Variants in PCNX4 observed in about 807,000 individuals in gnomAD.
PCNX4 encodes pecanex-like protein 4.
PCNX4 carries 103 observed loss-of-function variants against 107.2 expected under a neutral mutation model. That is an observed-to-expected ratio of 0.96 (90% CI 0.82 to 1.13). The LOEUF (loss-of-function observed/expected upper bound fraction) is 1.13, where lower values mean the gene tolerates loss of function less well. PCNX4 is among the 50% of genes most tolerant of loss of function. The pLI, the probability that PCNX4 is intolerant of heterozygous loss-of-function variation, is 0.00. For missense variants in PCNX4, 1,528 were observed against 1,379.4 expected, an observed-to-expected ratio of 1.11 and a Z score of -1.71; for synonymous variants, 541 against 481.7, an observed-to-expected ratio of 1.12 and a Z score of -1.61.
intron 7 of PCNX4, among the ~76,000 whole-genome samples, chr14:60,119,884 G>C (rs1380367278): frequency 1.3e-5 from 2 of 152,138 alleles, no homozygotes; most frequent in Non-Finnish European, 2.9e-5. Context: ...TGGGGAACAA[G>C]AACTTTCAGA....
Position 60,115,749 on chromosome 14 carries a change from C to T in PCNX4, c.1388C>T (p.Ser463Leu). 1.2e-6 allele frequency: 2 copies of T among 1,613,246 alleles called. No individual in the cohort carries two copies. The highest frequency in any genetic ancestry group is 1.1e-5 in the South Asian group (1 of 91,008). ...CCTTTTGCCATGATAGCATTTCTTT[C>T]ATTGGACAGTTCCTTACAAGGGCTC... Reference protein sequence around the residue: ...VSPFAMIAFLSLDSSLQGLHS... With the variant: ...VSPFAMIAFLLLDSSLQGLHS... Residue 463 changes from serine (S) to leucine (L), a missense_variant, in exon 5 of 11, where the codon TCA (serine) becomes TTA (leucine). By Grantham distance (145) the Ser-to-Leu change is moderately radical. Coordinates refer to ENST00000406854, the MANE Select transcript of PCNX4 (RefSeq NM_001330177.2).
Position 60,114,798 on chromosome 14 carries a change from C to A in PCNX4, c.788C>A (p.Pro263Gln). The part of the protein sequence containing the change: ...PFLWALGTLP[P>Q]PDALLLWAME... ...CTGTGGGCACTTGGGACTCTGCCCCCACCCGATGCACTTCTCTTATGGGCA... is the reference window on the plus strand; with the variant it reads ...CTGTGGGCACTTGGGACTCTGCCCCAACCCGATGCACTTCTCTTATGGGCA... Residue 263 changes from proline (P) to glutamine (Q), a missense_variant, in exon 3 of 11, where the codon CCA becomes CAA. By Grantham distance (76) the Pro-to-Gln change is moderately conservative (BLOSUM62 -1). Coordinates refer to ENST00000406854, the MANE Select transcript of PCNX4 (RefSeq NM_001330177.2). 6.2e-7 allele frequency: 1 copy of A among 1,613,870 alleles called. No individual in the cohort carries two copies. The highest frequency in any genetic ancestry group is 8.5e-7 in the Non-Finnish European group (1 of 1,179,860).
At chr14:60,118,114 ACT>A (rs1895884441) in intron 6 of PCNX4, among the ~76,000 whole-genome samples, 1 of 135,302 alleles carries the variant, frequency 7.4e-6, no homozygotes, top group Non-Finnish European at 1.5e-5. Context: ...CTTTAGTGTT[ACT>A]GTTTTTTTTT....
At chr14:60,102,327 ACT>A (rs900587875) in intron 1 of PCNX4, among the ~76,000 whole-genome samples, 3 of 62,038 alleles carry the variant, frequency 4.8e-5, no homozygotes, top group Non-Finnish European at 1.2e-4. Flanking sequence ...ATTTAAAAAA[ACT>A]TCAATCACTA....
intron 8 of PCNX4, among the ~76,000 whole-genome samples, chr14:60,122,115 C>T (rs1895966605): frequency 6.6e-6 from 1 of 152,112 alleles, no homozygotes; most frequent in African/African-American, 2.4e-5. Context: ...CTATGGGCTC[C>T]ACCTGTAAAC....
In PCNX4 at chr14:60,145,754, T is replaced by A. The variant is rs1896389445; in HGVS notation, c.*11533T>A. ...GGAATAAAACAAGGCAACCTGATAA[T>A]CCCCAAGATGTGATGTTTCTTTTCA... On this transcript the variant is annotated 3_prime_UTR_variant, in exon 11 of 11. Coordinates refer to ENST00000406854, the MANE Select transcript of PCNX4 (RefSeq NM_001330177.2). This position sits in a 1 kb window ranked among gnomAD's most constrained non-coding sequence, Gnocchi z 4.0. 1 of 152,090 alleles carries A rather than the reference T, an allele frequency of 6.6e-6. No homozygotes were observed. The highest frequency in any genetic ancestry group is 2.4e-5 in the African/African-American group (1 of 41,424). The allele number at this position is 152,090 out of a possible 1,614,324, so 9.4% of individuals were successfully genotyped here. A position where few individuals can be genotyped will look rare whatever the true frequency, so the allele number is the denominator to read the frequency against.
intron 8 of PCNX4, among the ~76,000 whole-genome samples, chr14:60,122,910 G>A (rs1010941829): frequency 2.0e-5 from 3 of 152,134 alleles, no homozygotes; most frequent in African/African-American, 7.2e-5. Flanking sequence ...TTCTCAAAAT[G>A]CAGTGCCCTG....
chr14:60,104,899 T>G (rs987562223), intron 1 of PCNX4, among the ~76,000 whole-genome samples: 1 of 152,172 alleles, frequency 6.6e-6, no homozygotes, highest in Non-Finnish European at 1.5e-5. Flanking sequence ...TAACATATTA[T>G]TAGTAGAAGT....
chr14:60,133,615 T>G (rs533102422), intron 10 of PCNX4: 1 of 470,548 alleles, frequency 2.1e-6, no homozygotes, highest in East Asian at 6.3e-5. Flanking sequence ...ACAAAGCTGT[T>G]TCTTTAAAAA....
chr14:60,115,481 T>A lies in PCNX4; in HGVS notation c.1357+20T>A. On this transcript the variant is annotated intron_variant, in intron 4 of 10. Coordinates refer to ENST00000406854, the MANE Select transcript of PCNX4 (RefSeq NM_001330177.2). ...CTTTAGGTAGGAAGATAAAGTCTAT[T>A]AACCTTGTGTTACAAATCATATCCT... 6.6e-7 allele frequency: 1 copy of A among 1,510,516 alleles called. No homozygotes were observed. The highest frequency in any genetic ancestry group is 8.8e-7 in the Non-Finnish European group (1 of 1,138,608). 93.6% of individuals were successfully genotyped at this position (1,510,516 alleles called of 1,614,324 possible).
At chr14:60,111,768 G>A (rs1399664370) in intron 2 of PCNX4, among the ~76,000 whole-genome samples, 1 of 152,082 alleles carries the variant, frequency 6.6e-6, no homozygotes, top group African/African-American at 2.4e-5. Flanking sequence ...TAGTTTTAAT[G>A]TTTAAGATTT....
intron 2 of PCNX4, among the ~76,000 whole-genome samples, chr14:60,113,863 G>GT (rs1341762521): frequency 1.3e-5 from 2 of 152,126 alleles, no homozygotes; most frequent in African/African-American, 4.8e-5. Flanking sequence ...TATTGATAAT[G>GT]TTTGTACTCT....
chr14:60,129,958 C>T (rs1351899666), intron 10 of PCNX4, among the ~76,000 whole-genome samples: 2 of 151,980 alleles, frequency 1.3e-5, no homozygotes, highest in Non-Finnish European at 2.9e-5. Flanking sequence ...AGATATGAGA[C>T]AAAGAAAACA....
In PCNX4 at chr14:60,124,910, C is replaced by T. The variant is rs374486742; in HGVS notation, c.2739C>T (p.Pro913=). 66 of 1,613,612 alleles carry T rather than the reference C, an allele frequency of 4.1e-5. No individual in the cohort carries two copies. The highest frequency in any genetic ancestry group is 5.2e-5 in the Non-Finnish European group (61 of 1,179,736). Residue 913 remains proline, a synonymous_variant, in exon 9 of 11, where the codon CCC becomes CCT. Coordinates refer to ENST00000406854, the MANE Select transcript of PCNX4 (RefSeq NM_001330177.2). The part of the protein sequence containing the change: ...SCSHSHLVCL[P]AEWRTSCMPS... The stretch of plus-strand genomic sequence containing the variant: ...CACATTCTCACTTAGTATGCTTACC[C>T]GCAGAGTGGAGGACTAGCTGTATGC...
chr14:60,119,563 A>G (rs1469662083), intron 7 of PCNX4, among the ~76,000 whole-genome samples: 1 of 152,206 alleles, frequency 6.6e-6, no homozygotes, highest in Admixed American at 6.5e-5. Context: ...TTATCTTTGT[A>G]CTACAGATGT....
At chr14:60,094,123 C>G (rs560452072) in intron 1 of PCNX4, among the ~76,000 whole-genome samples, 3 of 152,122 alleles carry the variant, frequency 2.0e-5, no homozygotes, top group South Asian at 4.1e-4. Flanking sequence ...ATATGATTTG[C>G]ACAAATTTTC....
At chr14:60,104,667 CG>C (rs1373792474) in intron 1 of PCNX4, among the ~76,000 whole-genome samples, 1 of 152,136 alleles carries the variant, frequency 6.6e-6, no homozygotes, top group Non-Finnish European at 1.5e-5. Context: ...TGGCAGCAGA[CG>C]AGAGAAAATC....
At chr14:60,116,686 ATATTCC>A (rs2140551282) in intron 6 of PCNX4, among the ~76,000 whole-genome samples, 1 of 152,274 alleles carries the variant, frequency 6.6e-6, no homozygotes, top group East Asian at 1.9e-4. Context: ...ATTTTAGAGT[ATATTCC>A]TACATATTAA....
intron 7 of PCNX4, 59 bp from the exon 8 acceptor site, chr14:60,121,132 CAAAAT>C: frequency 6.6e-7 from 1 of 1,505,294 alleles, no homozygotes; most frequent in South Asian, 1.3e-5. Flanking sequence ...ATTCACATGG[CAAAAT>C]AAAAGAAGTT....
Sources: allele counts gnomAD v4.1 joint callset (sites outside exome capture counted in the v4.1 genomes callset), GRCh38; gene constraint gnomAD v4.1.1; non-coding constraint Gnocchi (gnomAD v3.1); transcripts MANE v1.5; gene names NCBI Gene and HGNC (gene_info 2026-07-23, HGNC 2026-07-21).